The following DDX10 variants were observed in gnomAD, a reference collection of about 807,000 sequenced individuals.
DDX10 encodes probable ATP-dependent RNA helicase DDX10.
DDX10 carries 74 observed loss-of-function variants against 104.3 expected under a neutral mutation model. That is an observed-to-expected ratio of 0.71 (90% CI 0.59 to 0.86). The LOEUF is 0.86. Among genes scored for constraint, DDX10 ranks in the 40% least tolerant of loss-of-function variants. The pLI is 0.00. For missense variants in DDX10, 952 were observed against 1,040.0 expected, an observed-to-expected ratio of 0.92 and a Z score of 1.16; for synonymous variants, 351 against 353.4, an observed-to-expected ratio of 0.99 and a Z score of 0.08.
intron 13 of DDX10, among the ~76,000 whole-genome samples, chr11:108,773,920 T>C (rs1034345638): frequency 6.6e-6 from 1 of 152,138 alleles, no homozygotes; most frequent in Admixed American, 6.5e-5. Context: ...GTCTTGCTTG[T>C]ATTAGATGAG....
intron 13 of DDX10, among the ~76,000 whole-genome samples, chr11:108,805,208 A>G (rs947302544): frequency 1.3e-5 from 2 of 152,242 alleles, no homozygotes; most frequent in African/African-American, 2.4e-5. Context: ...CATGACTGCT[A>G]TTTCGACTGG....
intron 16 of DDX10, among the ~76,000 whole-genome samples, chr11:108,886,473 A>C (rs1006302076): frequency 6.6e-6 from 1 of 152,204 alleles, no homozygotes; most frequent in Non-Finnish European, 1.5e-5. Context: ...TTCATTCTTC[A>C]TACCAGATTT....
intron 13 of DDX10, among the ~76,000 whole-genome samples, chr11:108,790,448 T>C (rs977143127): frequency 6.6e-6 from 1 of 152,242 alleles, no homozygotes; most frequent in Non-Finnish European, 1.5e-5. Context: ...TTGCCTTTTC[T>C]CAGGTGGATT....
intron 16 of DDX10, among the ~76,000 whole-genome samples, chr11:108,917,107 C>A (rs779142589): frequency 5.3e-5 from 8 of 151,194 alleles, no homozygotes; most frequent in Non-Finnish European, 4.4e-5. Flanking sequence ...ACTCCATCAC[C>A]CAAGCTGGCA....
At chr11:108,744,031 C>T (rs958286069) in intron 13 of DDX10, among the ~76,000 whole-genome samples, 2 of 152,120 alleles carry the variant, frequency 1.3e-5, no homozygotes, top group African/African-American at 4.8e-5. Flanking sequence ...CACATCTGTG[C>T]TGGGTTTATA....
At chr11:108,802,212 G>C (rs1233975269) in intron 13 of DDX10, among the ~76,000 whole-genome samples, 1 of 151,966 alleles carries the variant, frequency 6.6e-6, no homozygotes, top group African/African-American at 2.4e-5. Context: ...TGGAATATTT[G>C]CATTATATTT....
chr11:108,940,100 C>T (rs1864087303), intron 17 of DDX10, 146 bp from the exon 18 acceptor site: 5 of 858,828 alleles, frequency 5.8e-6, no homozygotes, highest in South Asian at 1.8e-5. Flanking sequence ...AAGGTACTTA[C>T]TAATTATACA....
intron 13 of DDX10, among the ~76,000 whole-genome samples, chr11:108,725,423 T>C (rs1046014773): frequency 3.9e-5 from 6 of 152,132 alleles, no homozygotes; most frequent in Non-Finnish European, 7.4e-5. Flanking sequence ...TTCCAATTTG[T>C]GTTCTTGCCA....
rs1862593089 is a variant in DDX10, at chr11:108,838,560, G to C, written c.2080G>C (p.Gly694Arg). ...VNKKITFTDE[G>R]ELVQQWPQMQ... ...TAAGAAGATAACATTTACTGATGAA[G>C]GGGAGGTAAGATTCTAGAAGTGTTT... The change falls in exon 14 of 18, where the codon GGG (glycine) becomes CGG (arginine). Residue 694 changes from glycine to arginine, a missense_variant. Physicochemically the swap from Gly to Arg is moderately radical, Grantham distance 125. This residue lies in a region of DDX10 where 533 missense variants were observed against 534.1 expected (regional missense o/e 1.00). Transcript: ENST00000322536. 5 of 1,608,470 alleles carry C rather than the reference G, an allele frequency of 3.1e-6. No homozygotes were observed. In the East Asian group the frequency reaches 1.1e-4, roughly 36 times the overall value.
At chr11:108,749,587 G>C (rs1016439870) in intron 13 of DDX10, among the ~76,000 whole-genome samples, 1 of 152,118 alleles carries the variant, frequency 6.6e-6, no homozygotes, top group Admixed American at 6.6e-5. Context: ...TCATTGCTGT[G>C]AGTTTTTCTG....
chr11:108,901,372 A>G (rs1363854824), intron 16 of DDX10, among the ~76,000 whole-genome samples: 4 of 152,176 alleles, frequency 2.6e-5, no homozygotes, highest in Non-Finnish European at 1.5e-5. Context: ...TGTTCTTTCT[A>G]AGATTTATGT....
intron 13 of DDX10, among the ~76,000 whole-genome samples, chr11:108,764,010 T>G (rs1198359215): frequency 6.6e-6 from 1 of 152,142 alleles, no homozygotes; most frequent in East Asian, 1.9e-4. Flanking sequence ...ATAATGAGAA[T>G]TGTAGAAATA....
rs371760539 is a variant in DDX10 at position 108,940,450 on chromosome 11, G to A, written c.*27G>A. On this transcript the variant is annotated 3_prime_UTR_variant, in exon 18 of 18. Transcript: ENST00000322536. ...TACTTCCTGCGCCTGCCTTCTCCTT[G>A]AAACCTTGGTTATGACTGCGTAGGC... 2 of 1,607,564 alleles carry A rather than the reference G, an allele frequency of 1.2e-6. No individual in the cohort carries two copies. The highest frequency in any genetic ancestry group is 1.7e-6 in the Non-Finnish European group (2 of 1,177,190).
chr11:108,898,010 A>G (rs1348841709), intron 16 of DDX10, among the ~76,000 whole-genome samples: 1 of 152,192 alleles, frequency 6.6e-6, no homozygotes, highest in East Asian at 1.9e-4. Flanking sequence ...TAGAAGAGAT[A>G]GTTCCCATGA....
intron 9 of DDX10, among the ~76,000 whole-genome samples, chr11:108,701,491 A>C (rs1156942303): frequency 6.6e-6 from 1 of 152,156 alleles, no homozygotes; most frequent in Non-Finnish European, 1.5e-5. Context: ...CAGTAGTCAG[A>C]GTTGTAGAGT....
At chr11:108,937,390 C>T (rs1864050248) in intron 17 of DDX10, among the ~76,000 whole-genome samples, 2 of 152,142 alleles carry the variant, frequency 1.3e-5, no homozygotes, top group Admixed American at 1.3e-4. Context: ...GGTTCAATTT[C>T]TCGGATTATT....
chr11:108,756,272 T>A (rs117639022), intron 13 of DDX10, among the ~76,000 whole-genome samples: 7,329 of 152,180 alleles, frequency 0.048, 252 homozygotes, highest in Non-Finnish European at 0.077. Context: ...TTGCTTATGG[T>A]GTCCTGTATG....
At chr11:108,876,553 GACC>G in intron 16 of DDX10, among the ~76,000 whole-genome samples, 1 of 152,248 alleles carries the variant, frequency 6.6e-6, no homozygotes, top group Admixed American at 6.5e-5. Context: ...GAGACACATA[GACC>G]TGGATTAAAA....
chr11:108,717,901 A>C (rs916937620), intron 11 of DDX10, among the ~76,000 whole-genome samples: 2 of 152,102 alleles, frequency 1.3e-5, no homozygotes, highest in Admixed American at 1.3e-4. Context: ...GCTCATGCCT[A>C]TAATCCCAGC....
Sources: allele counts gnomAD v4.1 joint callset (sites outside exome capture counted in the v4.1 genomes callset), GRCh38; gene constraint gnomAD v4.1.1; regional missense constraint gnomAD v4.1.1; transcripts MANE v1.5; gene names NCBI Gene and HGNC (gene_info 2026-07-23, HGNC 2026-07-21).